ITIH5: variants seen among roughly 807,000 people sequenced by gnomAD.
ITIH5 encodes the protein inter-alpha-trypsin inhibitor heavy chain 5.
ITIH5 carries 65 observed loss-of-function variants against 77.5 expected under a neutral mutation model. The observed-to-expected ratio is 0.84, with a 90% CI of 0.69 to 1.03. The LOEUF (loss-of-function observed/expected upper bound fraction) is 1.03. Ranked by LOEUF, ITIH5 falls within the 50% of genes least tolerant of loss-of-function variation. ITIH5 has a pLI of 0.00. For missense variants in ITIH5, 1,208 were observed against 1,213.1 expected (o/e 1.00, Z 0.06); for synonymous variants, 525 against 494.3 (o/e 1.06, Z -0.82).
intron 7 of ITIH5, among the ~76,000 whole-genome samples, chr10:7,588,766 C>T (rs559471096): frequency 1.7e-3 from 261 of 152,388 alleles, no homozygotes; most frequent in Middle Eastern, 3.4e-3. Context: ...GAGCTTCCTA[C>T]TCCCTAGGCA....
chr10:7,650,916 T>C (rs1227632250), intron 2 of ITIH5, among the ~76,000 whole-genome samples: 1 of 152,112 alleles, frequency 6.6e-6, no homozygotes, highest in Non-Finnish European at 1.5e-5. Flanking sequence ...TGTTTCATTA[T>C]ATTTAGGGGA....
chr10:7,567,048 CCAAGTGAGTGAA>C (rs1374617813), intron 12 of ITIH5, among the ~76,000 whole-genome samples: 1 of 151,810 alleles, frequency 6.6e-6, no homozygotes, highest in East Asian at 1.9e-4. Context: ...TCAGTGGTCA[CCAAGTGAGTGAA>C]CAAATGAGGG....
At position 7,562,892 on chromosome 10, in the gene ITIH5, T is replaced by C; in HGVS notation, c.*191A>G. 1 of 638,518 alleles carries C rather than the reference T, an allele frequency of 1.6e-6. No individual in the cohort carries two copies. Among genetic ancestry groups the C allele is most frequent in the Non-Finnish European group, 2.8e-6 (1 of 353,612 alleles). The allele number at this position is 638,518 out of a possible 1,614,324, so 39.6% of individuals were successfully genotyped here. On this transcript the variant is annotated 3_prime_UTR_variant, in exon 14 of 14. Coordinates refer to ENST00000397146, the MANE Select transcript of ITIH5 (RefSeq NM_030569.7). ...CAGTAGAGGGAAATGACATTTGCACTCAGGCTTCCCGCCCCTACCCACCCC... is the reference window on the plus strand; with the variant it reads ...CAGTAGAGGGAAATGACATTTGCACCCAGGCTTCCCGCCCCTACCCACCCC...
At chr10:7,618,454 C>G (rs1833411899) in intron 5 of ITIH5, 1 of 152,112 alleles carries the variant, frequency 6.6e-6, no homozygotes, top group South Asian at 2.1e-4. Flanking sequence ...TGTTAGAACA[C>G]AGAGAATTAT....
intron 1 of ITIH5, among the ~76,000 whole-genome samples, chr10:7,664,133 C>T (rs1009770794): frequency 1.3e-5 from 2 of 152,202 alleles, no homozygotes; most frequent in East Asian, 1.9e-4. Flanking sequence ...GGCACAGTGG[C>T]TTATGCCTGT....
intron 4 of ITIH5, 98 bp from the exon 5 acceptor site, chr10:7,637,576 A>C: frequency 8.0e-7 from 1 of 1,248,106 alleles, no homozygotes; most frequent in Non-Finnish European, 1.1e-6. Flanking sequence ...CCTCTCAACC[A>C]GCCTGCCAGG....
chr10:7,569,571 T>C lies in ITIH5; in HGVS notation c.2149+97A>G, dbSNP rs967089821. 9.9e-6 allele frequency: 7 copies of C among 707,540 alleles called. No individual in the cohort carries two copies. The African/African-American group carries it at 1.1e-4, about 11-fold the overall frequency. 43.8% of individuals were successfully genotyped at this position (707,540 alleles called of 1,614,324 possible). A position where few individuals can be genotyped will look rare whatever the true frequency, so the allele number is the denominator to read the frequency against. ...CGATACTCACTGAGCGTCTGTAAGGTGGCCCTTGGATCACTGGACATCCAT... is the reference window on the plus strand; with the variant it reads ...CGATACTCACTGAGCGTCTGTAAGGCGGCCCTTGGATCACTGGACATCCAT... On this transcript the variant is annotated intron_variant, in intron 12 of 13. Coordinates refer to ENST00000397146, the MANE Select transcript of ITIH5 (RefSeq NM_030569.7).
intron 1 of ITIH5, among the ~76,000 whole-genome samples, chr10:7,657,629 A>C (rs1167680865): frequency 2.1e-5 from 3 of 141,566 alleles, no homozygotes; most frequent in Non-Finnish European, 3.0e-5. Flanking sequence ...AAGGACCTGC[A>C]CCTACATTTA....
chr10:7,651,546 TGCA>T (rs1435987430), intron 2 of ITIH5, among the ~76,000 whole-genome samples: 1 of 151,870 alleles, frequency 6.6e-6, no homozygotes, highest in Non-Finnish European at 1.5e-5. Flanking sequence ...AAGTGGAGGT[TGCA>T]GTGAGCCGAG....
At chr10:7,566,904 A>AGAG (rs1358548859) in intron 12 of ITIH5, among the ~76,000 whole-genome samples, 19 of 122,096 alleles carry the variant, frequency 1.6e-4, no homozygotes, top group Non-Finnish European at 3.0e-4. Context: ...AAGAAGAAGA[A>AGAG]GAAGAAGAAG....
At chr10:7,619,346 A>T (rs1268104653) in intron 5 of ITIH5, 1 of 153,312 alleles carries the variant, frequency 6.5e-6, no homozygotes, top group Admixed American at 6.5e-5. Context: ...CAGCTGTGAG[A>T]CTTTGAGCAA....
At position 7,560,171 on chromosome 10, in the gene ITIH5, C is replaced by T. The variant is rs114089354; in HGVS notation, c.*2912G>A. On this transcript the variant is annotated 3_prime_UTR_variant, in exon 14 of 14. Coordinates refer to ENST00000397146, the MANE Select transcript of ITIH5 (RefSeq NM_030569.7). ...GGCCCCATGTCTCTTCTTATAAGGGCCTTAATCCCATTCGTGAGGGCTCTG... is the reference window on the plus strand; with the variant it reads ...GGCCCCATGTCTCTTCTTATAAGGGTCTTAATCCCATTCGTGAGGGCTCTG... The T allele has an allele frequency of 2.9e-3, 560 of 190,454 alleles. 3 individuals are homozygous for T. The highest frequency in any genetic ancestry group is 0.013 in the African/African-American group (530 of 42,048). 11.8% of individuals were successfully genotyped at this position (190,454 alleles called of 1,614,324 possible).
At chr10:7,659,327 C>T (rs113729992) in intron 1 of ITIH5, among the ~76,000 whole-genome samples, 6,343 of 151,314 alleles carry the variant, frequency 0.042, 252 homozygotes, top group African/African-American at 0.11. Context: ...TGCAGTGGGC[C>T]GAGATCATGC....
intron 7 of ITIH5, among the ~76,000 whole-genome samples, chr10:7,594,652 C>G (rs1832859690): frequency 6.6e-6 from 1 of 152,164 alleles, no homozygotes; most frequent in Non-Finnish European, 1.5e-5. Context: ...GCCACTCTTG[C>G]TCTTTGGGGC....
intron 2 of ITIH5, among the ~76,000 whole-genome samples, chr10:7,653,912 T>C (rs1263848897): frequency 6.6e-6 from 1 of 152,128 alleles, no homozygotes; most frequent in East Asian, 1.9e-4. Flanking sequence ...CCCAACACTT[T>C]GGGAGGCCGA....
At chr10:7,597,356 G>A (rs1217406290) in intron 7 of ITIH5, among the ~76,000 whole-genome samples, 3 of 152,096 alleles carry the variant, frequency 2.0e-5, no homozygotes, top group Non-Finnish European at 4.4e-5. Flanking sequence ...CCGTCATCAC[G>A]CCATCTGAAG....
At chr10:7,656,122 G>A (rs1834177358) in intron 1 of ITIH5, among the ~76,000 whole-genome samples, 1 of 152,212 alleles carries the variant, frequency 6.6e-6, no homozygotes, top group East Asian at 1.9e-4. Flanking sequence ...AACTCTGGAA[G>A]CAAAACTGAA....
At position 7,563,146 on chromosome 10, in the gene ITIH5, G is replaced by C; in HGVS notation, c.2766C>G (p.Tyr922Ter). ...CTGTGTCAAATGGATGGGATGCCAG[G>C]TAATCCTTGTACTCCCCGTCAATCA... ...AKLIDGEYKD[Y>*]LASHPFDTGM... The change falls in exon 14 of 14, where the codon TAC becomes TAG. Residue 922 changes from tyrosine (Y) to a stop codon, truncating the protein, a stop_gained. Coordinates refer to ENST00000397146, the MANE Select transcript of ITIH5 (RefSeq NM_030569.7). LOFTEE classifies it low-confidence loss of function (END_TRUNC). The C allele has an allele frequency of 6.2e-7, 1 of 1,614,052 alleles. No homozygotes were observed. Among genetic ancestry groups the C allele is most frequent in the Non-Finnish European group, 8.5e-7 (1 of 1,179,886 alleles).
At chr10:7,629,334 TGTGCCCATGTTGTAGC>T (rs1588413327) in intron 5 of ITIH5, among the ~76,000 whole-genome samples, 2 of 130,490 alleles carry the variant, frequency 1.5e-5, no homozygotes, top group African/African-American at 3.3e-5. Context: ...TGTTGTAGCG[TGTGCCCATGTTGTAGC>T]GTGTGTCCCT....
Sources: gnomAD v4.1 joint callset for allele counts (sites outside exome capture counted in the v4.1 genomes callset) on GRCh38, gnomAD v4.1.1 for gene constraint, MANE v1.5 for transcripts, NCBI Gene and HGNC (gene_info 2026-07-23, HGNC 2026-07-21) for gene names.